The following MON2 variants were observed in gnomAD, a reference collection of about 807,000 sequenced individuals.
MON2 encodes protein MON2 homolog.
In MON2, 84 loss-of-function variants were observed where a neutral mutation model predicts 208.6. The ratio of observed to expected loss-of-function variants is 0.40; its 90% CI spans 0.34 to 0.48. The LOEUF (loss-of-function observed/expected upper bound fraction) is 0.48, where lower values mean the gene tolerates loss of function less well. Among genes scored for constraint, MON2 ranks in the 20% least tolerant of loss-of-function variants. The pLI is 0.59. For synonymous variants in MON2, 660 were observed against 694.0 expected (o/e 0.95, Z 0.77); for missense variants, 1,611 against 2,015.4 (o/e 0.80, Z 3.84).
intron 12 of MON2, among the ~76,000 whole-genome samples, chr12:62,534,528 A>AT: frequency 2.4e-4 from 5 of 20,892 alleles, no homozygotes; most frequent in Admixed American, 6.7e-4. Flanking sequence ...CAAAAAAAAA[A>AT]AAAAAAAAAA....
chr12:62,531,490 C>G (rs10161203), intron 11 of MON2, among the ~76,000 whole-genome samples: 1 of 152,110 alleles, frequency 6.6e-6, no homozygotes, highest in East Asian at 1.9e-4. Flanking sequence ...CTCTTTTTTC[C>G]AGGAATTATT....
At chr12:62,550,418 A>T (rs2073688512) in intron 23 of MON2, among the ~76,000 whole-genome samples, 2 of 152,120 alleles carry the variant, frequency 1.3e-5, no homozygotes, top group African/African-American at 4.8e-5. Flanking sequence ...GCTACATGGG[A>T]GGCTGGGATG....
intron 7 of MON2, among the ~76,000 whole-genome samples, chr12:62,507,093 A>G (rs1262537348): frequency 1.3e-5 from 2 of 152,320 alleles, no homozygotes; most frequent in Middle Eastern, 3.4e-3. Context: ...TGCATGTTTT[A>G]TCAGCTCATC....
intron 7 of MON2, among the ~76,000 whole-genome samples, chr12:62,503,531 A>G (rs1310689734): frequency 6.6e-6 from 1 of 152,196 alleles, no homozygotes; most frequent in South Asian, 2.1e-4. Flanking sequence ...GGTATTTTTA[A>G]AAAGTCGAAT....
chr12:62,538,196 AC>A lies in MON2; in HGVS notation c.2199+23del, dbSNP rs1160404761. ...AGTACAGTAAGCTCTAGTCTTTCTT[AC>A]CCAATTAGTGCATCCCAAAGTGTCA... On this transcript the variant is annotated intron_variant, in intron 17 of 34. Coordinates refer to ENST00000393630, the MANE Select transcript of MON2 (RefSeq NM_015026.3). 3.7e-6 allele frequency: 6 copies of A among 1,612,202 alleles called. No individual in the cohort carries two copies. Among genetic ancestry groups the A allele is most frequent in the Non-Finnish European group, 5.1e-6 (6 of 1,178,388 alleles).
intron 22 of MON2, among the ~76,000 whole-genome samples, chr12:62,548,269 C>T (rs1056172539): frequency 6.6e-6 from 1 of 152,068 alleles, no homozygotes; most frequent in Non-Finnish European, 1.5e-5. Flanking sequence ...TTGACTGTAG[C>T]GAGGCATAGG....
At position 62,526,034 on chromosome 12, in the gene MON2, AT is replaced by A; in HGVS notation, c.1335del (p.Phe445LeufsTer11). 6.2e-7 allele frequency: 1 copy of A among 1,613,956 alleles called. No homozygotes were observed. The highest frequency in any genetic ancestry group is 8.5e-7 in the Non-Finnish European group (1 of 1,179,864). Reference protein sequence around the residue: ...IGGGVTLLPAFEYRGTWIPIL... With the variant: ...IGGGVTLLPAXEYRGTWIPIL... ...GTGGAGGTGTTACTTTGCTACCAGC[AT>A]TTGAATATAGGGGAACCTGGATACC... On this transcript the variant is annotated frameshift_variant, in exon 11 of 35. Transcript: ENST00000393630. LOFTEE classifies it high-confidence loss of function.
At chr12:62,479,371 G>A (rs887606027) in intron 1 of MON2, among the ~76,000 whole-genome samples, 1 of 150,754 alleles carries the variant, frequency 6.6e-6, no homozygotes, top group South Asian at 2.1e-4. Flanking sequence ...CTAATACAGT[G>A]TAAATGCTAT....
intron 26 of MON2, among the ~76,000 whole-genome samples, chr12:62,563,843 T>C (rs1044033774): frequency 2.0e-5 from 3 of 152,222 alleles, no homozygotes; most frequent in African/African-American, 7.2e-5. Context: ...TTTTTGTTGT[T>C]GTTAGACATT....
At chr12:62,502,097 G>A (rs1447323467) in intron 7 of MON2, among the ~76,000 whole-genome samples, 1 of 152,132 alleles carries the variant, frequency 6.6e-6, no homozygotes, top group Non-Finnish European at 1.5e-5. Flanking sequence ...GCGGGTGCCT[G>A]TAGTCTCAGC....
intron 26 of MON2, among the ~76,000 whole-genome samples, chr12:62,563,200 C>G (rs2074258771): frequency 6.6e-6 from 1 of 152,186 alleles, no homozygotes; most frequent in African/African-American, 2.4e-5. Flanking sequence ...GTTTCTTAAT[C>G]TTTCTATACT....
At chr12:62,499,245 G>A (rs2070708059) in intron 5 of MON2, among the ~76,000 whole-genome samples, 197 bp downstream of exon 5, 1 of 152,062 alleles carries the variant, frequency 6.6e-6, no homozygotes, top group Non-Finnish European at 1.5e-5. Context: ...GCATAATTTT[G>A]TATTAAATAT....
At chr12:62,542,111 G>C (rs991784671) in intron 19 of MON2, among the ~76,000 whole-genome samples, 2 of 152,062 alleles carry the variant, frequency 1.3e-5, no homozygotes, top group Non-Finnish European at 2.9e-5. Flanking sequence ...ATTCTCCCTA[G>C]AATCATGAAT....
intron 8 of MON2, among the ~76,000 whole-genome samples, chr12:62,511,875 A>T (rs1035008859): frequency 6.6e-6 from 1 of 152,164 alleles, no homozygotes; most frequent in Non-Finnish European, 1.5e-5. Context: ...TTTACAAAAG[A>T]AAGAGATTTA....
At chr12:62,501,042 T>C (rs2070799989) in intron 6 of MON2, among the ~76,000 whole-genome samples, 162 bp downstream of exon 6, 1 of 152,158 alleles carries the variant, frequency 6.6e-6, no homozygotes, top group Non-Finnish European at 1.5e-5. Flanking sequence ...ATTTACTTTA[T>C]AGCTAATTAA....
intron 32 of MON2, among the ~76,000 whole-genome samples, chr12:62,584,705 CAAAAAAAAAAAAA>C (rs1226172058): frequency 7.0e-5 from 5 of 71,376 alleles, no homozygotes; most frequent in Non-Finnish European, 1.2e-4. Context: ...TCTGTCTCAA[CAAAAAAAAAAAAA>C]AAAAAAAAAA....
chr12:62,584,085 C>G (rs1242182962), intron 32 of MON2, among the ~76,000 whole-genome samples: 1 of 151,776 alleles, frequency 6.6e-6, no homozygotes, highest in African/African-American at 2.4e-5. Flanking sequence ...CATGGAAGCT[C>G]CATGTTAAAA....
chr12:62,535,583 T>A lies in MON2; in HGVS notation c.1774T>A (p.Cys592Ser), dbSNP rs1565657608. The A allele has an allele frequency of 1.2e-6, 2 of 1,613,896 alleles. No individual in the cohort carries two copies. ...LKAELTMAAL[C>S]GRLGLVTSRD... ...AGCTGAACTGACTATGGCTGCTCTT[T>A]GTGGAAGACTGGGCCTTGTAACTTC... The change falls in exon 14 of 35, where the codon TGT (cysteine) becomes AGT (serine). Residue 592 changes from cysteine to serine, a missense_variant. Coordinates refer to ENST00000393630, the MANE Select transcript of MON2 (RefSeq NM_015026.3).
In MON2 at chr12:62,598,849, G is replaced by GT. The variant is rs2075576123; in HGVS notation, c.*6103dup. The GT allele has an allele frequency of 6.6e-6, 1 of 152,060 alleles. No individual in the cohort carries two copies. The highest frequency in any genetic ancestry group is 6.6e-5 in the Admixed American group (1 of 15,264). 9.4% of individuals were successfully genotyped at this position (152,060 alleles called of 1,614,324 possible). ...AGTTATAACTGTGATTGTACAGATTGTTTATTTGTTTTACAGCTAACATTA... is the reference window on the plus strand; with the variant it reads ...AGTTATAACTGTGATTGTACAGATTGTTTTATTTGTTTTACAGCTAACATTA... On this transcript the variant is annotated 3_prime_UTR_variant, in exon 35 of 35. Transcript: ENST00000393630.
Sources: allele counts gnomAD v4.1 joint callset (sites outside exome capture counted in the v4.1 genomes callset), GRCh38; gene constraint gnomAD v4.1.1; transcripts MANE v1.5; gene names NCBI Gene and HGNC (gene_info 2026-07-23, HGNC 2026-07-21).